NYX: variants seen among roughly 807,000 people sequenced by gnomAD.
The protein encoded by NYX is nyctalopin.
For synonymous variants in NYX, 258 were observed against 245.7 expected, an observed-to-expected ratio of 1.05 and a Z score of -0.47; for missense variants, 481 against 485.4, an observed-to-expected ratio of 0.99 and a Z score of 0.09.
Position 41,447,859 on chromosome X carries a change from C to G in NYX, c.-46C>G. 8.3e-7 allele frequency: 1 copy of G among 1,208,494 alleles called. No homozygotes were observed. Among genetic ancestry groups the G allele is most frequent in the Non-Finnish European group, 1.1e-6 (1 of 893,243 alleles). ...CCTTTCTCCCCTCAGGTAGGGGTCC[C>G]ACGGCTGGGTGGTCCTAAGCCACTG... On this transcript the variant is annotated 5_prime_UTR_variant, in exon 2 of 3. Coordinates refer to ENST00000378220, the MANE Select transcript of NYX (RefSeq NM_001378477.3).
rs1328519140 is a variant in NYX at position 41,474,812 on chromosome X, C to T, written c.1344C>T (p.Gly448=). The T allele has an allele frequency of 8.3e-7, 1 of 1,202,828 alleles. No individual in the cohort carries two copies. Among genetic ancestry groups the T allele is most frequent in the Non-Finnish European group, 1.1e-6 (1 of 892,037 alleles). ...GCCTCTCCTCCCGTGGGGTGGGAGG[C>T]GCGGGCCGGCAGCCCTGGTTTCTCC... ...SDSLSSRGVG[G]AGRQPWFLLA... The change falls in exon 3 of 3, where the codon GGC becomes GGT. Residue 448 remains glycine, a synonymous_variant. Transcript: ENST00000378220.
In NYX at chrX:41,471,198, G is replaced by A. The variant is rs186244490; in HGVS notation, c.23-2293G>A. On this transcript the variant is annotated intron_variant, in intron 2 of 2. Transcript: ENST00000378220. The stretch of plus-strand genomic sequence containing the variant: ...ACTATCTCAGCTCACTGCAACCTCC[G>A]CTTTCTGGGTTCAAGCAATTCTCCT... Among the ~76,000 whole-genome samples, 720 of 111,184 alleles carry A rather than the reference G, an allele frequency of 6.5e-3. 5 individuals are homozygous for A. The highest frequency in any genetic ancestry group is 0.023 in the African/African-American group (699 of 30,615).
intron 2 of NYX, among the ~76,000 whole-genome samples, chrX:41,456,054 C>T (rs193017679): frequency 2.4e-3 from 267 of 111,834 alleles, no homozygotes; most frequent in Non-Finnish European, 4.1e-3. Flanking sequence ...GAAGAGGTCA[C>T]TGGCTGGGTG....
chrX:41,471,666 G>A (rs1414807389), intron 2 of NYX, among the ~76,000 whole-genome samples: 1 of 110,681 alleles, frequency 9.0e-6, no homozygotes, highest in Non-Finnish European at 1.9e-5. Flanking sequence ...GGTCTGGGGA[G>A]TTTAGACCCC....
chrX:41,449,572 C>T (rs2064271545), intron 2 of NYX, among the ~76,000 whole-genome samples: 1 of 110,600 alleles, frequency 9.0e-6, no homozygotes, highest in African/African-American at 3.3e-5. Flanking sequence ...CTTGCCATTC[C>T]TCCTACCTTG....
chrX:41,450,811 A>AATAT (rs1183287949), intron 2 of NYX, among the ~76,000 whole-genome samples: 431 of 34,226 alleles, frequency 0.013, 10 homozygotes, highest in Middle Eastern at 0.03. Context: ...ACACCTGGCT[A>AATAT]ATATATATAT....
intron 2 of NYX, among the ~76,000 whole-genome samples, chrX:41,448,591 AC>A (rs1461631200): frequency 9.9e-5 from 8 of 81,204 alleles, no homozygotes; most frequent in Non-Finnish European, 1.6e-4. Flanking sequence ...ACAGAGTCTC[AC>A]TCTCGCCCAA....
At position 41,473,652 on chromosome X, in the gene NYX, A is replaced by G. The variant is rs766384318; in HGVS notation, c.184A>G (p.Ile62Val). 1 of 1,093,800 alleles carries G rather than the reference A, an allele frequency of 9.1e-7. No homozygotes were observed. Among genetic ancestry groups the G allele is most frequent in the Non-Finnish European group, 1.2e-6 (1 of 841,221 alleles). The allele number at this position is 1,093,800 out of a possible 1,213,427, so 90.1% of individuals were successfully genotyped here. The change falls in exon 3 of 3, where the codon ATC (isoleucine) becomes GTC (valine). Residue 62 changes from isoleucine (I) to valine (V), a missense_variant. Transcript: ENST00000378220. ...CGAGCTCCCGTGCGAGGCGGTCTCC[A>G]TCGACCTGGACCGGAACGGCCTGCG... ...PAELPCEAVSIDLDRNGLRFL... is the reference protein window; with the variant it reads ...PAELPCEAVSVDLDRNGLRFL...
At chrX:41,457,327 G>T (rs1425664677) in intron 2 of NYX, among the ~76,000 whole-genome samples, 3 of 57,447 alleles carry the variant, frequency 5.2e-5, no homozygotes, top group Admixed American at 2.0e-4. Context: ...AAAAAAAAAA[G>T]GCCTCAGAGA....
chrX:41,459,990 C>A (rs67315519), intron 2 of NYX, among the ~76,000 whole-genome samples: 33,984 of 107,153 alleles, frequency 0.32, 4,592 homozygotes, highest in African/African-American at 0.46. Flanking sequence ...AGCTATTTTA[C>A]ACTCCCATTG....
chrX:41,448,791 C>T (rs2064268678), intron 2 of NYX, among the ~76,000 whole-genome samples: 1 of 109,107 alleles, frequency 9.2e-6, no homozygotes, highest in Admixed American at 1.0e-4. Context: ...AACTCCTGAC[C>T]TCAGGTGATC....
In NYX at chrX:41,473,529, G is replaced by A; in HGVS notation, c.61G>A (p.Ala21Thr). Residue 21 changes from alanine to threonine, a missense_variant, in exon 3 of 3, where the codon GCC becomes ACC. Transcript: ENST00000378220. ...LGLPSAWAVG[A>T]CARACPAACA... The stretch of plus-strand genomic sequence containing the variant: ...CCTGCCCAGCGCCTGGGCCGTGGGG[G>A]CCTGCGCCCGCGCTTGTCCCGCCGC... 4.0e-6 allele frequency: 4 copies of A among 997,970 alleles called. No homozygotes were observed. Among genetic ancestry groups the A allele is most frequent in the Non-Finnish European group, 5.1e-6 (4 of 788,933 alleles). 82.2% of individuals were successfully genotyped at this position (997,970 alleles called of 1,213,427 possible). A position where few individuals can be genotyped will look rare whatever the true frequency, so the allele number is the denominator to read the frequency against.
intron 2 of NYX, among the ~76,000 whole-genome samples, chrX:41,448,561 T>G (rs1466763029): frequency 7.4e-4 from 74 of 100,462 alleles, no homozygotes; most frequent in African/African-American, 2.6e-3. Context: ...TCTTTTCTTT[T>G]CTTTTTTTTT....
chrX:41,466,651 C>T (rs1333727540), intron 2 of NYX, among the ~76,000 whole-genome samples: 1 of 106,422 alleles, frequency 9.4e-6, no homozygotes, highest in Middle Eastern at 4.3e-3. Context: ...CCTCTGCCTC[C>T]CAGGTTCAAG....
intron 2 of NYX, among the ~76,000 whole-genome samples, chrX:41,461,271 T>C (rs1160527469): frequency 1.8e-5 from 2 of 108,953 alleles, no homozygotes; most frequent in East Asian, 2.9e-4. Context: ...ATGCATGATA[T>C]TTGGTTTTCC....
At chrX:41,449,789 G>A (rs1471659996) in intron 2 of NYX, among the ~76,000 whole-genome samples, 1 of 111,533 alleles carries the variant, frequency 9.0e-6, no homozygotes, top group Non-Finnish European at 1.9e-5. Context: ...AGAGCTCAGC[G>A]GTGACATCAT....
chrX:41,466,437 T>TA (rs1281158694), intron 2 of NYX, among the ~76,000 whole-genome samples: 4 of 106,704 alleles, frequency 3.7e-5, no homozygotes, highest in South Asian at 4.0e-4. Context: ...AAATAAAAAA[T>TA]AAAAAAAAAA....
intron 2 of NYX, chrX:41,472,244 G>C: frequency 1.0e-6 from 1 of 972,960 alleles, no homozygotes; most frequent in Non-Finnish European, 1.4e-6. Context: ...CAAGCAAAAA[G>C]GTGAACAATA....
chrX:41,472,461 G>C, intron 2 of NYX: 1 of 912,679 alleles, frequency 1.1e-6, no homozygotes, highest in Non-Finnish European at 1.6e-6. Flanking sequence ...CGGAGGTAAC[G>C]ATCCCGAAGG....
Sources: gnomAD v4.1 joint callset for allele counts (sites outside exome capture counted in the v4.1 genomes callset) on GRCh38, gnomAD v4.1.1 for gene constraint, MANE v1.5 for transcripts, NCBI Gene and HGNC (gene_info 2026-07-23, HGNC 2026-07-21) for gene names.